CCDC3: variants seen among roughly 807,000 people sequenced by gnomAD.
CCDC3 encodes the protein coiled-coil domain-containing protein 3.
Under a neutral mutation model 21.4 loss-of-function variants are expected in CCDC3, and 24 were observed. The ratio of observed to expected loss-of-function variants is 1.12; its 90% CI spans 0.81 to 1.58. The LOEUF is 1.58. CCDC3 is among the 40% of genes most tolerant of loss of function. CCDC3 has a pLI of 0.00. For missense variants in CCDC3, 425 were observed against 360.9 expected, an observed-to-expected ratio of 1.18 and a Z score of -1.44; for synonymous variants, 186 against 166.0, an observed-to-expected ratio of 1.12 and a Z score of -0.93.
intron 5 of CCDC3, among the ~76,000 whole-genome samples, chr10:13,024,572 T>C (rs1365565477): frequency 6.6e-6 from 1 of 152,212 alleles, no homozygotes; most frequent in African/African-American, 2.4e-5. Flanking sequence ...GAAAATTCTT[T>C]CTTGGAAAGA....
intron 2 of CCDC3, among the ~76,000 whole-genome samples, chr10:12,939,136 A>G (rs932156775): frequency 6.6e-6 from 1 of 152,062 alleles, no homozygotes; most frequent in Non-Finnish European, 1.5e-5. Flanking sequence ...TTAGCCTTTA[A>G]CGCTTTCCTA....
intron 5 of CCDC3, among the ~76,000 whole-genome samples, chr10:13,019,383 A>T (rs183384648): frequency 6.6e-6 from 1 of 152,200 alleles, no homozygotes; most frequent in South Asian, 2.1e-4. Flanking sequence ...AGCATCAGGA[A>T]AAAGTCCAAC....
chr10:13,091,210 T>C (rs1170027270), intron 3 of CCDC3, among the ~76,000 whole-genome samples: 1 of 152,206 alleles, frequency 6.6e-6, no homozygotes, highest in Admixed American at 6.5e-5. Context: ...TAATATCCTC[T>C]GGCAACCCAC....
intron 2 of CCDC3, among the ~76,000 whole-genome samples, chr10:12,925,664 C>T (rs1420139196): frequency 6.6e-6 from 1 of 152,252 alleles, no homozygotes; most frequent in Admixed American, 6.5e-5. Context: ...ATAAACTCTT[C>T]TCTTCTTTTC....
At chr10:12,980,047 C>A (rs1042293086) in intron 2 of CCDC3, among the ~76,000 whole-genome samples, 11 of 152,160 alleles carry the variant, frequency 7.2e-5, no homozygotes, top group African/African-American at 2.7e-4. Flanking sequence ...TTAGGAGATT[C>A]TTTTATGATG....
chr10:12,986,520 A>G (rs1054518750), intron 2 of CCDC3, among the ~76,000 whole-genome samples: 18 of 152,246 alleles, frequency 1.2e-4, no homozygotes, highest in African/African-American at 4.1e-4. Context: ...CACGCCTGTA[A>G]TCCCAGCACT....
intron 5 of CCDC3, among the ~76,000 whole-genome samples, chr10:13,029,200 A>C (rs1298041478): frequency 6.6e-6 from 1 of 152,168 alleles, no homozygotes; most frequent in Non-Finnish European, 1.5e-5. Flanking sequence ...CTGTTTTGAT[A>C]CTGCCTCAGG....
intron 2 of CCDC3, among the ~76,000 whole-genome samples, chr10:12,947,723 T>G (rs1834937191): frequency 6.6e-6 from 1 of 152,234 alleles, no homozygotes; most frequent in Non-Finnish European, 1.5e-5. Context: ...GAGTTGGGCT[T>G]AGCAGTAACT....
chr10:12,983,146 A>C (rs1265778065), intron 2 of CCDC3, among the ~76,000 whole-genome samples: 1 of 17,918 alleles, frequency 5.6e-5, no homozygotes, highest in Non-Finnish European at 1.7e-4. Flanking sequence ...ATATATATAT[A>C]TATATATATA....
rs1292238951 is a variant in CCDC3, at chr10:13,052,977, CACACACACAT to C, written c.-269-3046_-269-3037del. Among the ~76,000 whole-genome samples the C allele has an allele frequency of 7.5e-4, 63 of 84,016 alleles. 1 individual carries two copies. The highest frequency in any genetic ancestry group is 1.7e-3 in the Admixed American group (13 of 7,784). 55.1% of individuals were successfully genotyped at this position (84,016 alleles called of 152,430 possible). A position where few individuals can be genotyped will look rare whatever the true frequency, so the allele number is the denominator to read the frequency against. On this transcript the variant is annotated intron_variant, in intron 4 of 6. Transcript: ENST00000378839. The stretch of plus-strand genomic sequence containing the variant: ...ACACACACACACACACACACACACA[CACACACACAT>C]ACACACACACACCTAGAAGTTCCAA...
chr10:13,007,493 T>C (rs954491880), intron 5 of CCDC3, among the ~76,000 whole-genome samples: 20 of 152,210 alleles, frequency 1.3e-4, no homozygotes, highest in African/African-American at 4.8e-4. Flanking sequence ...AGTCTGCTGA[T>C]ATATATAGGC....
chr10:12,965,778 T>A (rs138654669), intron 2 of CCDC3, among the ~76,000 whole-genome samples: 9 of 152,352 alleles, frequency 5.9e-5, no homozygotes, highest in African/African-American at 2.2e-4. Context: ...TAAGGAGACA[T>A]CATGCAAGAC....
intron 2 of CCDC3, among the ~76,000 whole-genome samples, chr10:12,980,725 G>A (rs1254723724): frequency 6.6e-6 from 1 of 151,950 alleles, no homozygotes; most frequent in African/African-American, 2.4e-5. Flanking sequence ...TAGATCCTAT[G>A]AGCCTGTCAT....
At chr10:13,083,460 C>A (rs1415557371) in intron 3 of CCDC3, among the ~76,000 whole-genome samples, 1 of 152,178 alleles carries the variant, frequency 6.6e-6, no homozygotes, top group Non-Finnish European at 1.5e-5. Flanking sequence ...ATAATAGTTT[C>A]TTTTAAAGAC....
Position 12,974,660 on chromosome 10 carries a change from C to G in CCDC3, c.549+23678G>C, listed in dbSNP as rs544105692. 1.9e-3 allele frequency among the ~76,000 whole-genome samples: 282 copies of G among 152,266 alleles called. 2 individuals carry two copies. The highest frequency in any genetic ancestry group is 6.8e-3 in the Middle Eastern group (2 of 294). ...GTCACCATGGGGCCGAGGGCTGAGC[C>G]CACAGCCAGGAAGACCCAGGCTGGG... On this transcript the variant is annotated intron_variant, in intron 2 of 2. Transcript: ENST00000378825.
In CCDC3 at chr10:13,056,548, G is replaced by A. The variant is rs530970319; in HGVS notation, c.-269-6607C>T. Among the ~76,000 whole-genome samples the A allele has an allele frequency of 2.6e-5, 4 of 152,274 alleles. No individual in the cohort carries two copies. The East Asian group carries it at 5.8e-4, about 22-fold the overall frequency. ...CACTCAAGCCTGGGAAGAGGAGGGCGAGTGCCTCAAGAAAATTATAGGAGT... is the reference window on the plus strand; with the variant it reads ...CACTCAAGCCTGGGAAGAGGAGGGCAAGTGCCTCAAGAAAATTATAGGAGT... On this transcript the variant is annotated intron_variant, in intron 4 of 6. Coordinates refer to the CCDC3 transcript ENST00000378839.
At chr10:13,049,360 C>T (rs1836573478) in intron 5 of CCDC3, among the ~76,000 whole-genome samples, 1 of 151,964 alleles carries the variant, frequency 6.6e-6, no homozygotes, top group African/African-American at 2.4e-5. Flanking sequence ...TAACTTTATT[C>T]CCTTATTCAG....
intron 3 of CCDC3, among the ~76,000 whole-genome samples, chr10:13,088,363 T>C (rs1239084775): frequency 2.0e-5 from 3 of 151,994 alleles, no homozygotes; most frequent in East Asian, 3.9e-4. Flanking sequence ...TTAGAATAAA[T>C]GAAAAGGAAA....
At chr10:12,921,853 C>T (rs1834456996) in intron 2 of CCDC3, among the ~76,000 whole-genome samples, 1 of 152,180 alleles carries the variant, frequency 6.6e-6, no homozygotes, top group Non-Finnish European at 1.5e-5. Flanking sequence ...AGTGATCCTC[C>T]TGCCTCAGCC....
Sources: gnomAD v4.1 joint callset for allele counts (sites outside exome capture counted in the v4.1 genomes callset) on GRCh38, gnomAD v4.1.1 for gene constraint, MANE v1.5 for transcripts, NCBI Gene and HGNC (gene_info 2026-07-23, HGNC 2026-07-21) for gene names.